The following CLGN variants were observed in gnomAD, a reference collection of about 807,000 sequenced individuals.
CLGN encodes testis tissue sperm-binding protein Li 79P.
A neutral mutation model predicts 79.1 loss-of-function variants in CLGN; 62 were observed. The observed-to-expected ratio is 0.78, with a 90% CI of 0.64 to 0.97. CLGN has a LOEUF of 0.97. Ranked by LOEUF, CLGN falls within the 50% of genes least tolerant of loss-of-function variation. The pLI, the probability that CLGN is intolerant of heterozygous loss-of-function variation, is 0.00. For synonymous variants in CLGN, 225 were observed against 224.7 expected (o/e 1.00, Z -0.01); for missense variants, 647 against 715.5 (o/e 0.90, Z 1.09).
At chr4:140,398,620 T>C (rs1728938693) in intron 8 of CLGN, among the ~76,000 whole-genome samples, 1 of 151,322 alleles carries the variant, frequency 6.6e-6, no homozygotes, top group Admixed American at 6.6e-5. Context: ...ATTGAAAACA[T>C]AAAAAATAAA....
chr4:140,417,731 G>A (rs1431059442), intron 1 of CLGN, among the ~76,000 whole-genome samples: 15 of 151,726 alleles, frequency 9.9e-5, no homozygotes, highest in Non-Finnish European at 1.3e-4. Flanking sequence ...AACATTCCAT[G>A]CTCATGGGTA....
chr4:140,404,336 A>G (rs967004724), intron 5 of CLGN, among the ~76,000 whole-genome samples: 83 of 152,114 alleles, frequency 5.5e-4, no homozygotes, highest in African/African-American at 1.8e-3. Flanking sequence ...CTCGTGATCC[A>G]CCCACCTTGG....
intron 8 of CLGN, among the ~76,000 whole-genome samples, chr4:140,396,896 T>TATATATAC (rs1728895463): frequency 1.4e-5 from 1 of 72,976 alleles, no homozygotes; most frequent in Non-Finnish European, 2.9e-5. Flanking sequence ...TATATGTATA[T>TATATATAC]ATATATATAT....
At chr4:140,415,149 C>G (rs1282731527) in intron 1 of CLGN, among the ~76,000 whole-genome samples, 1 of 152,096 alleles carries the variant, frequency 6.6e-6, no homozygotes, top group Non-Finnish European at 1.5e-5. Flanking sequence ...CAAACAAATG[C>G]TGAGAGATTT....
At chr4:140,419,632 T>C (rs892392091) in intron 1 of CLGN, among the ~76,000 whole-genome samples, 2 of 152,112 alleles carry the variant, frequency 1.3e-5, no homozygotes, top group Non-Finnish European at 2.9e-5. Context: ...CAAACAAATA[T>C]AGGGCTTATT....
rs535704532 is a variant in CLGN, at chr4:140,398,449, A to T, written c.884+402T>A. Among the ~76,000 whole-genome samples, 8 of 151,846 alleles carry T rather than the reference A, an allele frequency of 5.3e-5. No individual in the cohort carries two copies. The South Asian group carries it at 1.5e-3, about 28-fold the overall frequency. Reference sequence around the variant, plus strand: ...CATGCCCGCTAATTTTTGTGTTTTTAGTAGAGACGGGGTTTCGCCATGTTG... The same window carrying T: ...CATGCCCGCTAATTTTTGTGTTTTTTGTAGAGACGGGGTTTCGCCATGTTG... On this transcript the variant is annotated intron_variant, in intron 8 of 14. Transcript: ENST00000325617.
chr4:140,409,735 G>A, intron 4 of CLGN, 102 bp downstream of exon 4: 1 of 614,064 alleles, frequency 1.6e-6, no homozygotes, highest in African/African-American at 1.9e-5. Flanking sequence ...GTGAGGCAGG[G>A]TGGGGGACTC....
intron 11 of CLGN, among the ~76,000 whole-genome samples, 164 bp downstream of exon 11, chr4:140,393,662 G>T (rs1476010727): frequency 1.3e-5 from 2 of 152,018 alleles, no homozygotes; most frequent in Non-Finnish European, 2.9e-5. Context: ...AACATAAAAA[G>T]CAAAATATTC....
chr4:140,426,858 T>G (rs1306682170), intron 1 of CLGN: 1 of 152,206 alleles, frequency 6.6e-6, no homozygotes, highest in Non-Finnish European at 1.5e-5. Flanking sequence ...GTCTAGTAAT[T>G]AGGGCCTCTC....
At chr4:140,420,553 TTA>T (rs1491311741) in intron 1 of CLGN, among the ~76,000 whole-genome samples, 1 of 150,124 alleles carries the variant, frequency 6.7e-6, no homozygotes, top group African/African-American at 2.4e-5. Flanking sequence ...GTTCTTTTTT[TTA>T]AAAAAAAAAA....
At chr4:140,414,565 G>A (rs954913746) in intron 1 of CLGN, among the ~76,000 whole-genome samples, 58 of 149,376 alleles carry the variant, frequency 3.9e-4, no homozygotes, top group African/African-American at 1.4e-3. Context: ...AGAAGCCTCA[G>A]GAGCCGATGC....
intron 1 of CLGN, among the ~76,000 whole-genome samples, chr4:140,425,438 G>GTGTGTGTGTC (rs1463750278): frequency 1.1e-5 from 1 of 92,478 alleles, no homozygotes; most frequent in Non-Finnish European, 2.7e-5. Flanking sequence ...GGGTGTGTGT[G>GTGTGTGTGTC]TGTGTGTGTG....
At chr4:140,424,066 G>T (rs911882896) in intron 1 of CLGN, among the ~76,000 whole-genome samples, 1 of 151,596 alleles carries the variant, frequency 6.6e-6, no homozygotes, top group African/African-American at 2.4e-5. Flanking sequence ...TAACTTTTGG[G>T]TTTCATTTGC....
chr4:140,397,946 A>G (rs545138943), intron 8 of CLGN, among the ~76,000 whole-genome samples: 1 of 152,272 alleles, frequency 6.6e-6, no homozygotes, highest in Non-Finnish European at 1.5e-5. Flanking sequence ...GTAAATTCTG[A>G]AGTATATAAA....
chr4:140,414,426 A>G (rs1217650211), intron 1 of CLGN, among the ~76,000 whole-genome samples: 2 of 151,808 alleles, frequency 1.3e-5, no homozygotes, highest in Non-Finnish European at 2.9e-5. Flanking sequence ...CATTCAAACC[A>G]AAGGCAAAAA....
intron 8 of CLGN, 109 bp from the exon 9 acceptor site, chr4:140,396,314 G>A: frequency 1.0e-6 from 1 of 971,366 alleles, no homozygotes; most frequent in Admixed American, 2.2e-5. Flanking sequence ...GTTTGTGCCT[G>A]TTATTTGTCC....
intron 1 of CLGN, among the ~76,000 whole-genome samples, chr4:140,414,047 C>G (rs1447119955): frequency 2.0e-5 from 3 of 152,252 alleles, no homozygotes; most frequent in African/African-American, 7.2e-5. Flanking sequence ...GGGTCCCTGA[C>G]CCCTGAGCAG....
In CLGN at chr4:140,405,949, T is replaced by C. The variant is rs1729098417; in HGVS notation, c.412A>G (p.Ile138Val). 2 of 1,610,154 alleles carry C rather than the reference T, an allele frequency of 1.2e-6. No individual in the cohort carries two copies. The highest frequency in any genetic ancestry group is 1.3e-5 in the African/African-American group (1 of 74,868). ...KPFIFADKPL[I>V]VQYEVNFQDG... ...AAACATAGCAACACTTACTGAACTA[T>C]CAAGGGTTTATCAGCAAAAATGAAT... The change falls in exon 5 of 15, where the codon ATA becomes GTA. Residue 138 changes from isoleucine to valine, a missense_variant. By Grantham distance (29) the Ile-to-Val change is conservative. Coordinates refer to ENST00000325617, the MANE Select transcript of CLGN (RefSeq NM_004362.3).
chr4:140,408,017 T>C (rs1251889966), intron 4 of CLGN, among the ~76,000 whole-genome samples: 2 of 151,876 alleles, frequency 1.3e-5, no homozygotes, highest in African/African-American at 2.4e-5. Flanking sequence ...GAACCAGAAA[T>C]AAAGCAAAAT....
Sources: allele counts gnomAD v4.1 joint callset (sites outside exome capture counted in the v4.1 genomes callset), GRCh38; gene constraint gnomAD v4.1.1; transcripts MANE v1.5; gene names NCBI Gene and HGNC (gene_info 2026-07-23, HGNC 2026-07-21).